Variants in TRAPPC9 observed in about 807,000 individuals in gnomAD.
TRAPPC9 encodes IKK2 binding protein.
In TRAPPC9, 83 loss-of-function variants were observed where a neutral mutation model predicts 124.0. That is an observed-to-expected ratio of 0.67 (90% CI 0.56 to 0.80). The LOEUF is 0.80. TRAPPC9 is among the 30% of genes least tolerant of loss of function. The probability of loss-of-function intolerance (pLI) is 0.00; values close to 1 mark genes in which losing one functional copy is unlikely to be tolerated. For missense variants in TRAPPC9, 1,302 were observed against 1,508.3 expected (o/e 0.86, Z 2.27); for synonymous variants, 638 against 617.5 (o/e 1.03, Z -0.49).
chr8:139,840,018 C>A (rs1324216651), intron 21 of TRAPPC9, among the ~76,000 whole-genome samples: 1 of 152,228 alleles, frequency 6.6e-6, no homozygotes, highest in Admixed American at 6.5e-5. Flanking sequence ...TAGTTATTTT[C>A]CACCAAAAGC....
rs78920979 is a variant in TRAPPC9 at position 140,067,045 on chromosome 8, T to C, written c.2557-42966A>G. Among the ~76,000 whole-genome samples, 94 of 152,282 alleles carry C rather than the reference T, an allele frequency of 6.2e-4. No homozygotes were observed. In the East Asian group the frequency reaches 0.017, roughly 28 times the overall value. On this transcript the variant is annotated intron_variant, in intron 17 of 22. Transcript: ENST00000438773. ...AAACGTATTTCCTCTGCTTGAAACA[T>C]TTTTGTCACATATCTGTTCAACAGA...
At chr8:140,116,770 A>G (rs2060894532) in intron 17 of TRAPPC9, among the ~76,000 whole-genome samples, 1 of 152,138 alleles carries the variant, frequency 6.6e-6, no homozygotes, top group African/African-American at 2.4e-5. Flanking sequence ...CTCAGTCCAA[A>G]GGTACCGTAG....
intron 17 of TRAPPC9, among the ~76,000 whole-genome samples, chr8:140,188,645 C>G (rs1198492629): frequency 1.3e-5 from 2 of 152,216 alleles, no homozygotes; most frequent in African/African-American, 2.4e-5. Flanking sequence ...CCAGCCTCTG[C>G]CTCACACTTG....
chr8:140,159,002 A>G (rs1023363075), intron 17 of TRAPPC9, among the ~76,000 whole-genome samples: 1 of 152,258 alleles, frequency 6.6e-6, no homozygotes, highest in Admixed American at 6.5e-5. Context: ...GCTGAAGTGT[A>G]GGCACTGAAG....
chr8:139,984,443 G>T lies in TRAPPC9; in HGVS notation c.2810+4283C>A, dbSNP rs545090370. ...AAGAAGCTTCTTTAGGTTTAGCACAGCCTGGGGGTGGGGGGCCGGGGGGTG... is the reference window on the plus strand; with the variant it reads ...AAGAAGCTTCTTTAGGTTTAGCACATCCTGGGGGTGGGGGGCCGGGGGGTG... On this transcript the variant is annotated intron_variant, in intron 19 of 22. Coordinates refer to ENST00000438773, the MANE Select transcript of TRAPPC9 (RefSeq NM_001160372.4). The surrounding 1 kb of genome is among the most constrained non-coding windows in gnomAD (Gnocchi z 4.3). Among the ~76,000 whole-genome samples the T allele has an allele frequency of 6.6e-6, 1 of 151,756 alleles. No individual in the cohort carries two copies. The highest frequency in any genetic ancestry group is 2.1e-4 in the South Asian group (1 of 4,806).
At chr8:139,978,877 G>A (rs1010301917) in intron 19 of TRAPPC9, among the ~76,000 whole-genome samples, 6 of 149,078 alleles carry the variant, frequency 4.0e-5, no homozygotes, top group South Asian at 2.2e-4. Context: ...ATCGCAACGC[G>A]TCTCTGCTCC....
intron 17 of TRAPPC9, among the ~76,000 whole-genome samples, chr8:140,050,696 G>C (rs1236026228): frequency 6.6e-6 from 1 of 152,162 alleles, no homozygotes; most frequent in Non-Finnish European, 1.5e-5. Flanking sequence ...AGAGAGATGG[G>C]AGATGGAGAG....
At chr8:140,105,232 G>A (rs761355059) in intron 17 of TRAPPC9, among the ~76,000 whole-genome samples, 4 of 152,224 alleles carry the variant, frequency 2.6e-5, no homozygotes, top group East Asian at 1.9e-4. Context: ...AATGGCGACT[G>A]TGCTCAAATA....
At chr8:140,451,486 G>A in intron 1 of TRAPPC9, 103 bp from the exon 2 acceptor site, 1 of 985,384 alleles carries the variant, frequency 1.0e-6, no homozygotes, top group Non-Finnish European at 1.6e-6. Flanking sequence ...AGAGGCAGGG[G>A]AAGCCCCAAG....
At chr8:140,037,030 C>T (rs149033246) in intron 17 of TRAPPC9, among the ~76,000 whole-genome samples, 1,810 of 151,988 alleles carry the variant, frequency 0.012, 19 homozygotes, top group Middle Eastern at 0.037. Flanking sequence ...GGTGTGTGAC[C>T]GTCACATTAT....
In TRAPPC9 at chr8:140,069,201, C is replaced by A. The variant is rs184809272; in HGVS notation, c.2557-45122G>T. 5.7e-4 allele frequency among the ~76,000 whole-genome samples: 87 copies of A among 152,312 alleles called. 1 individual carries two copies. The highest frequency in any genetic ancestry group is 3.9e-3 in the Admixed American group (59 of 15,298). On this transcript the variant is annotated intron_variant, in intron 17 of 22. Coordinates refer to ENST00000438773, the MANE Select transcript of TRAPPC9 (RefSeq NM_001160372.4). ...TATCTGCTGAAGAAGAAAACATATT[C>A]AATTGAATGTTGCTATTCTCTCACC... is the stretch of plus-strand genomic sequence containing the variant.
intron 21 of TRAPPC9, among the ~76,000 whole-genome samples, chr8:139,820,677 G>A (rs147077232): frequency 3.9e-5 from 6 of 152,106 alleles, no homozygotes; most frequent in Admixed American, 6.5e-5. Flanking sequence ...AAGCCATTAC[G>A]ACAAAAGGGC....
rs1402221941 is a variant in TRAPPC9 at position 139,881,662 on chromosome 8, CTG to C, written c.3055+4215_3055+4216del. On this transcript the variant is annotated intron_variant, in intron 21 of 22. Coordinates refer to ENST00000438773, the MANE Select transcript of TRAPPC9 (RefSeq NM_001160372.4). ...ATGAAAAAAAGAGCTGGCCTACCAA[CTG>C]CTAACCATCTCTCTATGCCAGAAAA... 3.4e-3 allele frequency among the ~76,000 whole-genome samples: 350 copies of C among 102,602 alleles called. 10 individuals carry two copies. The East Asian group carries it at 0.094, about 28-fold the overall frequency. 67.3% of individuals were successfully genotyped at this position (102,602 alleles called of 152,430 possible).
At chr8:139,837,391 C>G (rs1004780222) in intron 21 of TRAPPC9, among the ~76,000 whole-genome samples, 1 of 152,188 alleles carries the variant, frequency 6.6e-6, no homozygotes. Flanking sequence ...TTCAAAAAGG[C>G]CCCTGTCCTC....
At chr8:139,885,329 G>A (rs1829932838) in intron 21 of TRAPPC9, among the ~76,000 whole-genome samples, 1 of 152,196 alleles carries the variant, frequency 6.6e-6, no homozygotes. Flanking sequence ...GTCCAGTAAT[G>A]GCGTTCTCTT....
chr8:140,083,299 TAAAA>T (rs1403560976), intron 17 of TRAPPC9, among the ~76,000 whole-genome samples: 1 of 152,162 alleles, frequency 6.6e-6, no homozygotes, highest in African/African-American at 2.4e-5. Flanking sequence ...CAGTGTTTAA[TAAAA>T]TTACAAATAA....
At chr8:140,101,532 CTTTTTTTTGTT>C (rs1480907846) in intron 17 of TRAPPC9, among the ~76,000 whole-genome samples, 5 of 78,722 alleles carry the variant, frequency 6.4e-5, no homozygotes, top group African/African-American at 1.9e-4. Flanking sequence ...GTAGGGTTTT[CTTTTTTTTGTT>C]TTTTTTTTTT....
At chr8:139,919,232 C>T (rs185035881) in intron 19 of TRAPPC9, among the ~76,000 whole-genome samples, 20 of 152,284 alleles carry the variant, frequency 1.3e-4, no homozygotes, top group Non-Finnish European at 2.4e-4. Flanking sequence ...GCTTTGTGAC[C>T]GGAGGCAAGT....
chr8:139,754,302 C>T (rs1301168227), intron 21 of TRAPPC9, among the ~76,000 whole-genome samples: 4 of 152,244 alleles, frequency 2.6e-5, no homozygotes, highest in Non-Finnish European at 5.9e-5. Context: ...GCACAATTAA[C>T]AGCAGACATC....
Sources: allele counts gnomAD v4.1 joint callset (sites outside exome capture counted in the v4.1 genomes callset), GRCh38; gene constraint gnomAD v4.1.1; non-coding constraint Gnocchi (gnomAD v3.1); transcripts MANE v1.5; gene names NCBI Gene and HGNC (gene_info 2026-07-23, HGNC 2026-07-21).